GRM1: variants seen among roughly 807,000 people sequenced by gnomAD.
GRM1 encodes the protein glutamate metabotropic receptor 1, also known as metabotropic glutamate receptor 1.
GRM1 carries 33 observed loss-of-function variants against 90.9 expected under a neutral mutation model. The observed-to-expected ratio is 0.36, with a 90% CI of 0.28 to 0.49. The LOEUF (loss-of-function observed/expected upper bound fraction) is 0.49, where lower values mean the gene tolerates loss of function less well. GRM1 is among the 20% of genes least tolerant of loss of function. The pLI, the probability that GRM1 is intolerant of heterozygous loss-of-function variation, is 0.99. For synonymous variants in GRM1, 700 were observed against 613.2 expected, an observed-to-expected ratio of 1.14 and a Z score of -2.09; for missense variants, 1,190 against 1,534.3, an observed-to-expected ratio of 0.78 and a Z score of 3.75.
intron 1 of GRM1, among the ~76,000 whole-genome samples, chr6:146,107,013 A>T (rs1443706772): frequency 6.6e-6 from 1 of 152,200 alleles, no homozygotes; most frequent in Non-Finnish European, 1.5e-5. Flanking sequence ...CAATAGGATT[A>T]TAAGTGCTTT....
chr6:146,159,526 C>T lies in GRM1; in HGVS notation c.879C>T (p.Gly293=). 2 of 1,614,050 alleles carry T rather than the reference C, an allele frequency of 1.2e-6. No individual in the cohort carries two copies. The highest frequency in any genetic ancestry group is 1.7e-6 in the Non-Finnish European group (2 of 1,179,964). The change falls in exon 2 of 8, where the codon GGC becomes GGT. Residue 293 remains glycine, a synonymous_variant. Coordinates refer to ENST00000282753, the MANE Select transcript of GRM1 (RefSeq NM_001278064.2). ...KARVVVCFCE[G]MTVRGLLSAM... The stretch of plus-strand genomic sequence containing the variant: ...GAGTGGTGGTCTGCTTCTGTGAAGG[C>T]ATGACAGTGCGAGGACTCCTGAGCG...
At chr6:146,226,193 G>T (rs1223338695) in intron 2 of GRM1, among the ~76,000 whole-genome samples, 1 of 152,098 alleles carries the variant, frequency 6.6e-6, no homozygotes, top group Non-Finnish European at 1.5e-5. Context: ...GTGATTTCTG[G>T]GAAAAGCACT....
rs186771011 is a variant in GRM1, at chr6:146,168,743, C to A, written c.950+9146C>A. Among the ~76,000 whole-genome samples the A allele has an allele frequency of 1.8e-3, 281 of 152,078 alleles. 3 individuals are homozygous for A. Among genetic ancestry groups the A allele is most frequent in the Non-Finnish European group, 3.7e-4 (25 of 67,912 alleles). Reference sequence around the variant, plus strand: ...TATAGAATTCTAGGTTGATAGTTGACTTTTATGGTCAATACTCTAGAGATA... The same window carrying A: ...TATAGAATTCTAGGTTGATAGTTGAATTTTATGGTCAATACTCTAGAGATA... On this transcript the variant is annotated intron_variant, in intron 2 of 7. Transcript: ENST00000282753.
chr6:146,191,236 C>T (rs1009934172), intron 2 of GRM1, among the ~76,000 whole-genome samples: 11 of 152,158 alleles, frequency 7.2e-5, no homozygotes, highest in Non-Finnish European at 1.5e-4. Flanking sequence ...CATGGCATTA[C>T]CATGGGTGTC....
At chr6:146,186,073 C>T (rs144464821) in intron 2 of GRM1, among the ~76,000 whole-genome samples, 1,820 of 150,412 alleles carry the variant, frequency 0.012, 78 homozygotes, top group East Asian at 0.091. Flanking sequence ...ATCAGCCTCC[C>T]GAGTAGCTGG....
chr6:146,126,186 C>T (rs1037393518), intron 1 of GRM1, among the ~76,000 whole-genome samples: 1 of 151,944 alleles, frequency 6.6e-6, no homozygotes, highest in African/African-American at 2.4e-5. Flanking sequence ...GAACTAAACA[C>T]AAATATTTGA....
At chr6:146,413,866 A>C (rs1777661721) in intron 7 of GRM1, among the ~76,000 whole-genome samples, 3 of 152,188 alleles carry the variant, frequency 2.0e-5, no homozygotes, top group Non-Finnish European at 4.4e-5. Flanking sequence ...CATGAGATTC[A>C]TCCATGTTCT....
chr6:146,418,979 A>G (rs1453556819), intron 7 of GRM1, among the ~76,000 whole-genome samples: 1 of 152,216 alleles, frequency 6.6e-6, no homozygotes, highest in Non-Finnish European at 1.5e-5. Flanking sequence ...GACATGAATT[A>G]TGTCAGTCTT....
intron 2 of GRM1, among the ~76,000 whole-genome samples, chr6:146,260,372 G>A (rs987998955): frequency 2.6e-5 from 4 of 152,126 alleles, no homozygotes; most frequent in Admixed American, 2.6e-4. Context: ...TGGTGTATAT[G>A]TGCCACATTT....
chr6:146,415,761 A>T (rs1248430700), intron 7 of GRM1, among the ~76,000 whole-genome samples: 1 of 152,210 alleles, frequency 6.6e-6, no homozygotes, highest in Non-Finnish European at 1.5e-5. Context: ...AGAGATGCCC[A>T]TTAATAGGGT....
At chr6:146,165,579 T>G (rs1483473368) in intron 2 of GRM1, among the ~76,000 whole-genome samples, 2 of 152,144 alleles carry the variant, frequency 1.3e-5, no homozygotes, top group Admixed American at 6.6e-5. Context: ...CTTACAGATA[T>G]ATGACTTGGC....
In GRM1 at chr6:146,296,577, C is replaced by T. The variant is rs1783185502; in HGVS notation, c.951-8034C>T. On this transcript the variant is annotated intron_variant, in intron 2 of 7. Coordinates refer to ENST00000282753, the MANE Select transcript of GRM1 (RefSeq NM_001278064.2). ...CTAACATATCCCCTTTCCCCATCTA[C>T]CCTGCCTCCCAGAATGGTAATTCAG... 2.0e-5 allele frequency among the ~76,000 whole-genome samples: 3 copies of T among 152,190 alleles called. No homozygotes were observed. The South Asian group carries it at 6.2e-4, about 31-fold the overall frequency.
intron 1 of GRM1, among the ~76,000 whole-genome samples, chr6:146,037,515 A>G (rs1305781399): frequency 6.6e-6 from 1 of 151,890 alleles, no homozygotes; most frequent in Admixed American, 6.6e-5. Context: ...ACCCTCATGC[A>G]CGCCTCTCAT....
At chr6:146,219,929 G>T (rs1340565671) in intron 2 of GRM1, among the ~76,000 whole-genome samples, 3 of 151,970 alleles carry the variant, frequency 2.0e-5, no homozygotes, top group Non-Finnish European at 4.4e-5. Context: ...GTGTGTGTGT[G>T]TGTATGCACT....
At chr6:146,215,025 G>C (rs1436417225) in intron 2 of GRM1, among the ~76,000 whole-genome samples, 2 of 152,100 alleles carry the variant, frequency 1.3e-5, no homozygotes, top group Admixed American at 1.3e-4. Context: ...AATGGAGCTG[G>C]ACTAAAATAG....
chr6:146,154,586 T>A (rs1296120332), intron 1 of GRM1, among the ~76,000 whole-genome samples: 1 of 152,190 alleles, frequency 6.6e-6, no homozygotes. Context: ...CATTTAATGT[T>A]ATGAAAAAGG....
At chr6:146,221,774 T>C (rs1482141262) in intron 2 of GRM1, among the ~76,000 whole-genome samples, 1 of 152,192 alleles carries the variant, frequency 6.6e-6, no homozygotes, top group Admixed American at 6.5e-5. Context: ...ATGTAGTCTC[T>C]GTCACAACTA....
At chr6:146,306,603 G>A (rs915473157) in intron 3 of GRM1, among the ~76,000 whole-genome samples, 4 of 152,164 alleles carry the variant, frequency 2.6e-5, no homozygotes, top group Non-Finnish European at 4.4e-5. Context: ...TGGGAGCTCA[G>A]TCAATTCTTG....
intron 1 of GRM1, among the ~76,000 whole-genome samples, chr6:146,114,446 T>C (rs1475340091): frequency 1.3e-5 from 2 of 152,140 alleles, no homozygotes; most frequent in Admixed American, 6.5e-5. Context: ...GAGAAAACTA[T>C]AAGCATGAAC....
Sources: allele counts gnomAD v4.1 joint callset (sites outside exome capture counted in the v4.1 genomes callset), GRCh38; gene constraint gnomAD v4.1.1; transcripts MANE v1.5; gene names NCBI Gene and HGNC (gene_info 2026-07-23, HGNC 2026-07-21).